LRIG1: variants seen among roughly 807,000 people sequenced by gnomAD.
LRIG1 encodes the protein leucine rich repeats and immunoglobulin like domains 1.
A neutral mutation model predicts 99.2 loss-of-function variants in LRIG1; 48 were observed. The ratio of observed to expected loss-of-function variants is 0.48; its 90% CI spans 0.38 to 0.62. The LOEUF is 0.62. LRIG1 is among the 20% of genes least tolerant of loss of function. The pLI, the probability that LRIG1 is intolerant of heterozygous loss-of-function variation, is 0.00. For synonymous variants in LRIG1, 772 were observed against 596.1 expected (o/e 1.29, Z -4.30); for missense variants, 1,646 against 1,434.4 (o/e 1.15, Z -2.38).
intron 3 of LRIG1, among the ~76,000 whole-genome samples, chr3:66,418,613 C>T (rs905179819): frequency 6.6e-6 from 1 of 152,194 alleles, no homozygotes; most frequent in African/African-American, 2.4e-5. Context: ...GTTGCAGGCA[C>T]TGGCACTCGA....
Position 66,470,566 on chromosome 3 carries a change from G to A in LRIG1, c.219-8057C>T, listed in dbSNP as rs769263507. ...TGAGAAGAATAGCCCCATGCTGCCA[G>A]ACCCACAACCCACCAGGCGGTTAAG... On this transcript the variant is annotated intron_variant, in intron 1 of 18. Transcript: ENST00000273261. 3.9e-5 allele frequency among the ~76,000 whole-genome samples: 6 copies of A among 152,288 alleles called. No individual in the cohort carries two copies. In the East Asian group the frequency reaches 1.2e-3, roughly 29 times the overall value.
chr3:66,405,799 C>G, intron 8 of LRIG1: 1 of 1,184,018 alleles, frequency 8.4e-7, no homozygotes, highest in Non-Finnish European at 1.1e-6. Flanking sequence ...CCAAGGCCTG[C>G]AGGGCGCTGA....
chr3:66,421,859 C>T (rs1487212469), intron 3 of LRIG1, among the ~76,000 whole-genome samples: 1 of 152,244 alleles, frequency 6.6e-6, no homozygotes, highest in Non-Finnish European at 1.5e-5. Flanking sequence ...ACCTGGGCAT[C>T]CAGGCATTTC....
At chr3:66,492,904 C>T (rs1168474961) in intron 1 of LRIG1, among the ~76,000 whole-genome samples, 1 of 152,160 alleles carries the variant, frequency 6.6e-6, no homozygotes, top group African/African-American at 2.4e-5. Flanking sequence ...TACAGGTGCA[C>T]AAGGAGTGAT....
At chr3:66,437,255 G>A (rs1207755767) in intron 3 of LRIG1, among the ~76,000 whole-genome samples, 1 of 152,172 alleles carries the variant, frequency 6.6e-6, no homozygotes, top group African/African-American at 2.4e-5. Context: ...GACTGGGAGA[G>A]CCCTTTTTTG....
At chr3:66,451,740 T>C in intron 2 of LRIG1, 107 bp from the exon 3 acceptor site, 1 of 766,288 alleles carries the variant, frequency 1.3e-6, no homozygotes. Context: ...ACAGTAAACC[T>C]ATATTCTAAT....
In LRIG1 at chr3:66,493,307, C is replaced by T. The variant is rs541185743; in HGVS notation, c.218+6883G>A. On this transcript the variant is annotated intron_variant, in intron 1 of 18. Coordinates refer to ENST00000273261, the MANE Select transcript of LRIG1 (RefSeq NM_015541.3). ...GGGCCTCTCACTTCCCTGCCACCTTCCCATACCTGCCTCCCTTCCAAAAGG... is the reference window on the plus strand; with the variant it reads ...GGGCCTCTCACTTCCCTGCCACCTTTCCATACCTGCCTCCCTTCCAAAAGG... Among the ~76,000 whole-genome samples the T allele has an allele frequency of 5.3e-5, 8 of 152,328 alleles. No homozygotes were observed. In the East Asian group the frequency reaches 1.5e-3, roughly 29 times the overall value.
At chr3:66,455,941 T>C (rs1431894037) in intron 2 of LRIG1, among the ~76,000 whole-genome samples, 1 of 152,252 alleles carries the variant, frequency 6.6e-6, no homozygotes. Context: ...CTAAGTTTTC[T>C]ATGTGCAATA....
chr3:66,469,481 T>C (rs986521596), intron 1 of LRIG1, among the ~76,000 whole-genome samples: 3 of 152,168 alleles, frequency 2.0e-5, no homozygotes, highest in African/African-American at 7.2e-5. Context: ...TAATAATCAG[T>C]GTGGGCCTCT....
intron 3 of LRIG1, among the ~76,000 whole-genome samples, chr3:66,428,251 G>A (rs1400733558): frequency 1.3e-5 from 2 of 152,226 alleles, no homozygotes; most frequent in South Asian, 2.1e-4. Context: ...AAGTCCCCCA[G>A]GGTTGAAATG....
At chr3:66,439,419 A>G (rs557771155) in intron 3 of LRIG1, among the ~76,000 whole-genome samples, 143 of 152,334 alleles carry the variant, frequency 9.4e-4, no homozygotes, top group African/African-American at 3.3e-3. Context: ...ACTCTTTGCA[A>G]CTTAACCTAG....
chr3:66,433,218 G>A (rs182287597), intron 3 of LRIG1, among the ~76,000 whole-genome samples: 101 of 152,330 alleles, frequency 6.6e-4, no homozygotes, highest in Admixed American at 1.3e-3. Flanking sequence ...GAATCAGAGA[G>A]GTTAAGACCC....
chr3:66,390,644 T>C (rs899544196), intron 12 of LRIG1, among the ~76,000 whole-genome samples: 2 of 152,148 alleles, frequency 1.3e-5, no homozygotes, highest in Non-Finnish European at 2.9e-5. Context: ...AAGGGATCCA[T>C]AATAGACAAA....
intron 3 of LRIG1, among the ~76,000 whole-genome samples, chr3:66,438,211 CT>C (rs1163755733): frequency 6.6e-5 from 10 of 152,232 alleles, no homozygotes; most frequent in Admixed American, 1.3e-4. Context: ...GTGCTACCCC[CT>C]GTCCCACTCC....
At chr3:66,392,907 C>A (rs985656536) in intron 12 of LRIG1, among the ~76,000 whole-genome samples, 37 of 152,284 alleles carry the variant, frequency 2.4e-4, no homozygotes, top group African/African-American at 7.9e-4. Context: ...GCATTAGATT[C>A]CACACAGAAG....
intron 1 of LRIG1, among the ~76,000 whole-genome samples, chr3:66,464,790 T>C (rs1700434889): frequency 6.6e-6 from 1 of 152,206 alleles, no homozygotes; most frequent in Non-Finnish European, 1.5e-5. Flanking sequence ...TATAAAACCA[T>C]TTAAGTCACA....
At chr3:66,382,579 C>G (rs923097376) in intron 15 of LRIG1, among the ~76,000 whole-genome samples, 181 bp from the exon 16 acceptor site, 10 of 132,690 alleles carry the variant, frequency 7.5e-5, no homozygotes, top group African/African-American at 3.1e-4. Context: ...CTTTACTCTA[C>G]ACCCAGCGTG....
chr3:66,484,757 TG>T (rs1700932292), intron 1 of LRIG1, among the ~76,000 whole-genome samples: 1 of 152,140 alleles, frequency 6.6e-6, no homozygotes, highest in Non-Finnish European at 1.5e-5. Flanking sequence ...CCCCTACAGC[TG>T]GGGGCAAGGG....
chr3:66,411,428 A>G (rs1702458647), intron 6 of LRIG1, among the ~76,000 whole-genome samples: 1 of 152,200 alleles, frequency 6.6e-6, no homozygotes, highest in African/African-American at 2.4e-5. Flanking sequence ...TTCCTCTGAG[A>G]ATTCTCTTTT....
Sources: gnomAD v4.1 joint callset for allele counts (sites outside exome capture counted in the v4.1 genomes callset) on GRCh38, gnomAD v4.1.1 for gene constraint, MANE v1.5 for transcripts, NCBI Gene and HGNC (gene_info 2026-07-23, HGNC 2026-07-21) for gene names.